Variants in SDC2 observed in about 807,000 individuals in gnomAD.
SDC2 encodes the protein syndecan 2, also known as syndecan-2.
In SDC2, 13 loss-of-function variants were observed where a neutral mutation model predicts 22.2. That is an observed-to-expected ratio of 0.59 (90% confidence interval 0.38 to 0.93). The LOEUF (loss-of-function observed/expected upper bound fraction) is 0.93, where lower values mean the gene tolerates loss of function less well. Among genes scored for constraint, SDC2 ranks in the 40% least tolerant of loss-of-function variants. The probability of loss-of-function intolerance (pLI) is 0.00; values close to 1 mark genes in which losing one functional copy is unlikely to be tolerated. For missense variants in SDC2, 235 were observed against 246.8 expected (o/e 0.95, Z 0.32); for synonymous variants, 94 against 92.8 (o/e 1.01, Z -0.07).
chr8:96,526,183 A>G (rs1239092113), intron 1 of SDC2, among the ~76,000 whole-genome samples: 1 of 152,132 alleles, frequency 6.6e-6, no homozygotes, highest in East Asian at 1.9e-4. Context: ...CTTTGCACCT[A>G]TGTTTGTTAT....
At chr8:96,515,770 T>C (rs937680834) in intron 1 of SDC2, among the ~76,000 whole-genome samples, 1 of 152,206 alleles carries the variant, frequency 6.6e-6, no homozygotes. Context: ...GAGAAGTTGA[T>C]GAATCTTCTC....
intron 1 of SDC2, among the ~76,000 whole-genome samples, chr8:96,541,351 A>T (rs1813846098): frequency 6.6e-6 from 1 of 151,946 alleles, no homozygotes; most frequent in Non-Finnish European, 1.5e-5. Flanking sequence ...TCCTAAAAAT[A>T]CAAAAATTAG....
At chr8:96,582,580 T>C (rs994366926) in intron 1 of SDC2, among the ~76,000 whole-genome samples, 1 of 152,214 alleles carries the variant, frequency 6.6e-6, no homozygotes, top group African/African-American at 2.4e-5. Context: ...TTTTCTTCAT[T>C]TAAAAAGTCC....
Position 96,611,613 on chromosome 8 carries a change from TC to T in SDC2, c.*2066del, listed in dbSNP as rs1172161943. The T allele has an allele frequency of 7.2e-5, 11 of 152,606 alleles. No homozygotes were observed. The highest frequency in any genetic ancestry group is 2.7e-4 in the African/African-American group (11 of 41,440). 9.5% of individuals were successfully genotyped at this position (152,606 alleles called of 1,614,324 possible). A position where few individuals can be genotyped will look rare whatever the true frequency, so the allele number is the denominator to read the frequency against. The stretch of plus-strand genomic sequence containing the variant: ...TACAGAGGGTAGGAATGGGTATACC[TC>T]TAACTGTGCAAAGCAGAGTGAAATT... On this transcript the variant is annotated 3_prime_UTR_variant, in exon 5 of 5. Coordinates refer to ENST00000302190, the MANE Select transcript of SDC2 (RefSeq NM_002998.4).
chr8:96,567,952 G>A (rs1310156409), intron 1 of SDC2, among the ~76,000 whole-genome samples: 1 of 152,154 alleles, frequency 6.6e-6, no homozygotes, highest in Non-Finnish European at 1.5e-5. Context: ...TCAAAGTGTT[G>A]CTGTCATTTG....
chr8:96,575,776 A>C (rs1037181485), intron 1 of SDC2, among the ~76,000 whole-genome samples: 3 of 152,176 alleles, frequency 2.0e-5, no homozygotes, highest in African/African-American at 4.8e-5. Context: ...TTCTTTAGCT[A>C]TCTGAATACG....
intron 1 of SDC2, among the ~76,000 whole-genome samples, chr8:96,540,161 G>GA (rs1173196477): frequency 6.8e-5 from 10 of 147,848 alleles, no homozygotes; most frequent in African/African-American, 1.0e-4. Context: ...GGAGAAGAAA[G>GA]AAAAAAAAAA....
intron 2 of SDC2, among the ~76,000 whole-genome samples, chr8:96,596,566 G>A (rs931287822): frequency 2.0e-5 from 3 of 152,204 alleles, no homozygotes; most frequent in African/African-American, 7.2e-5. Flanking sequence ...AGGGGACCAA[G>A]AGTCTAATGA....
intron 3 of SDC2, among the ~76,000 whole-genome samples, chr8:96,607,066 C>T (rs1050307685): frequency 2.0e-5 from 3 of 152,176 alleles, no homozygotes; most frequent in Non-Finnish European, 4.4e-5. Flanking sequence ...GTGAACTGTG[C>T]CTGTTGTGCT....
chr8:96,525,789 C>T (rs182501045), intron 1 of SDC2, among the ~76,000 whole-genome samples: 1 of 152,198 alleles, frequency 6.6e-6, no homozygotes, highest in Non-Finnish European at 1.5e-5. Flanking sequence ...AGTTTCTCCA[C>T]ATATAAAATC....
At chr8:96,585,696 C>G (rs1482757338) in intron 1 of SDC2, among the ~76,000 whole-genome samples, 1 of 152,122 alleles carries the variant, frequency 6.6e-6, no homozygotes, top group African/African-American at 2.4e-5. Flanking sequence ...AGGTACTGTT[C>G]TGTAGAATGA....
intron 2 of SDC2, among the ~76,000 whole-genome samples, chr8:96,602,045 C>A (rs3105014): frequency 0.19 from 28,521 of 152,072 alleles, 2,713 homozygotes; most frequent in South Asian, 0.3. Flanking sequence ...GGCGTGAGCC[C>A]CTGCACCTGG....
intron 1 of SDC2, among the ~76,000 whole-genome samples, chr8:96,553,847 A>C (rs1212664655): frequency 6.6e-6 from 1 of 151,902 alleles, no homozygotes; most frequent in African/African-American, 2.4e-5. Flanking sequence ...ATCTCGGCTC[A>C]CTGCAGCCTT....
At chr8:96,509,109 T>C (rs1202781262) in intron 1 of SDC2, among the ~76,000 whole-genome samples, 3 of 142,482 alleles carry the variant, frequency 2.1e-5, no homozygotes, top group Non-Finnish European at 3.2e-5. Context: ...GGAACCTCTC[T>C]AAATCTCAGC....
chr8:96,609,593 A>T lies in SDC2; in HGVS notation c.*45A>T. 7.4e-7 allele frequency: 1 copy of T among 1,356,310 alleles called. No individual in the cohort carries two copies. Among genetic ancestry groups the T allele is most frequent in the East Asian group, 2.6e-5 (1 of 38,990 alleles). 84.0% of individuals were successfully genotyped at this position (1,356,310 alleles called of 1,614,324 possible). Reference sequence around the variant, plus strand: ...TATTTATGAGATCACTGAACTTTTCAAAATAAAGCTTTTGCATAGAATAAT... The same window carrying T: ...TATTTATGAGATCACTGAACTTTTCTAAATAAAGCTTTTGCATAGAATAAT... On this transcript the variant is annotated 3_prime_UTR_variant, in exon 5 of 5. Coordinates refer to ENST00000302190, the MANE Select transcript of SDC2 (RefSeq NM_002998.4).
At chr8:96,523,044 G>C (rs1055943250) in intron 1 of SDC2, among the ~76,000 whole-genome samples, 3 of 152,184 alleles carry the variant, frequency 2.0e-5, no homozygotes, top group African/African-American at 7.2e-5. Context: ...GATTCTGTGT[G>C]AGTCATCAAG....
At chr8:96,534,016 G>A (rs1586285101) in intron 1 of SDC2, among the ~76,000 whole-genome samples, 1 of 152,170 alleles carries the variant, frequency 6.6e-6, no homozygotes, top group Admixed American at 6.5e-5. Flanking sequence ...AGCACTGCTG[G>A]GGGACCCAGT....
intron 1 of SDC2, among the ~76,000 whole-genome samples, chr8:96,502,502 G>A (rs559042995): frequency 3.2e-5 from 3 of 94,006 alleles, no homozygotes; most frequent in East Asian, 2.2e-4. Flanking sequence ...TATACTGGGG[G>A]TCTTTTTAAA....
At chr8:96,554,293 T>C (rs530292681) in intron 1 of SDC2, among the ~76,000 whole-genome samples, 8 of 152,354 alleles carry the variant, frequency 5.3e-5, no homozygotes, top group African/African-American at 1.7e-4. Flanking sequence ...TTTAAAGTTA[T>C]AATGCAAGTT....
Sources: gnomAD v4.1 joint callset for allele counts (sites outside exome capture counted in the v4.1 genomes callset) on GRCh38, gnomAD v4.1.1 for gene constraint, MANE v1.5 for transcripts, NCBI Gene and HGNC (gene_info 2026-07-23, HGNC 2026-07-21) for gene names.